The following KCNN3 variants were observed in gnomAD, a reference collection of about 807,000 sequenced individuals.
KCNN3 encodes small conductance calcium-activated potassium channel protein 3.
Under a neutral mutation model 62.9 loss-of-function variants are expected in KCNN3, and 16 were observed. The observed-to-expected ratio is 0.25, with a 90% CI of 0.17 to 0.39. The LOEUF is 0.39. KCNN3 is among the 10% of genes least tolerant of loss of function. The pLI, the probability that KCNN3 is intolerant of heterozygous loss-of-function variation, is 1.00. For synonymous variants in KCNN3, 370 were observed against 389.2 expected, an observed-to-expected ratio of 0.95 and a Z score of 0.58; for missense variants, 599 against 949.4, an observed-to-expected ratio of 0.63 and a Z score of 4.85.
At chr1:154,740,108 A>G (rs1700797770) in intron 3 of KCNN3, among the ~76,000 whole-genome samples, 1 of 152,234 alleles carries the variant, frequency 6.6e-6, no homozygotes, top group African/African-American at 2.4e-5. Flanking sequence ...TCTGTTCAAC[A>G]TATATATTAT....
At chr1:154,836,880 G>A (rs1651612643) in intron 1 of KCNN3, among the ~76,000 whole-genome samples, 1 of 152,136 alleles carries the variant, frequency 6.6e-6, no homozygotes, top group African/African-American at 2.4e-5. Flanking sequence ...CAGAGGACTT[G>A]GCACACAGTA....
chr1:154,803,544 A>C (rs528789927), intron 2 of KCNN3, among the ~76,000 whole-genome samples: 55 of 152,228 alleles, frequency 3.6e-4, no homozygotes, highest in African/African-American at 1.1e-3. Context: ...CCCATCAAAC[A>C]TTTGCCTGCC....
At chr1:154,850,066 C>T (rs1460642648) in intron 1 of KCNN3, among the ~76,000 whole-genome samples, 1 of 152,198 alleles carries the variant, frequency 6.6e-6, no homozygotes, top group African/African-American at 2.4e-5. Flanking sequence ...TTCTCCCCTA[C>T]TCATGCCACT....
intron 4 of KCNN3, among the ~76,000 whole-genome samples, chr1:154,726,621 C>A (rs1391850864): frequency 6.6e-6 from 1 of 152,226 alleles, no homozygotes; most frequent in Admixed American, 6.5e-5. Flanking sequence ...AGTGACTGTG[C>A]CTGCTCTACA....
rs189330101 is a variant in KCNN3 at position 154,730,560 on chromosome 1, T to G, written c.1590+2443A>C. ...GCTAGGAGTGACTCAGCTAGAAAAATCACATTTGTTAGAAAAATGCCACCA... is the reference window on the plus strand; with the variant it reads ...GCTAGGAGTGACTCAGCTAGAAAAAGCACATTTGTTAGAAAAATGCCACCA... On this transcript the variant is annotated intron_variant, in intron 4 of 7. Coordinates refer to ENST00000271915, the MANE Select transcript of KCNN3 (RefSeq NM_002249.6). 5.6e-4 allele frequency among the ~76,000 whole-genome samples: 85 copies of G among 152,114 alleles called. 1 individual carries two copies. Among genetic ancestry groups the G allele is most frequent in the African/African-American group, 2.0e-3 (85 of 41,498 alleles).
intron 6 of KCNN3, among the ~76,000 whole-genome samples, chr1:154,713,963 G>T: frequency 2.4e-5 from 1 of 41,770 alleles, no homozygotes; most frequent in Non-Finnish European, 5.3e-5. Flanking sequence ...AATGCATGGT[G>T]TGTGTGATGT....
rs1421110330 is a variant in KCNN3, at chr1:154,705,176, TCTGA to T, written c.*2796_*2799del. 1 of 152,182 alleles carries T rather than the reference TCTGA, an allele frequency of 6.6e-6. No homozygotes were observed. Among genetic ancestry groups the T allele is most frequent in the Non-Finnish European group, 1.5e-5 (1 of 68,038 alleles). 9.4% of individuals were successfully genotyped at this position (152,182 alleles called of 1,614,324 possible). On this transcript the variant is annotated 3_prime_UTR_variant, in exon 8 of 8. Coordinates refer to ENST00000271915, the MANE Select transcript of KCNN3 (RefSeq NM_002249.6). ...GAGAATCCACCTGCCCCTTTTCCCA[TCTGA>T]CTGTGATGCTGAGGTGTGGTGGAAT...
chr1:154,804,547 C>A (rs1288108179), intron 2 of KCNN3, among the ~76,000 whole-genome samples: 5 of 152,172 alleles, frequency 3.3e-5, no homozygotes, highest in African/African-American at 1.2e-4. Context: ...CTCTCCCTCC[C>A]AAGACCATGA....
intron 3 of KCNN3, among the ~76,000 whole-genome samples, chr1:154,733,979 G>A (rs1177752543): frequency 1.3e-5 from 2 of 152,220 alleles, no homozygotes; most frequent in Non-Finnish European, 2.9e-5. Flanking sequence ...GTGCAATCAG[G>A]GGGTGGACAA....
intron 2 of KCNN3, among the ~76,000 whole-genome samples, chr1:154,821,856 A>T (rs1650912840): frequency 6.6e-6 from 1 of 152,342 alleles, no homozygotes; most frequent in South Asian, 2.1e-4. Flanking sequence ...TGCCTCTGGG[A>T]TCCCCACTTT....
chr1:154,726,373 C>T (rs7528614), intron 4 of KCNN3, among the ~76,000 whole-genome samples: 9 of 152,280 alleles, frequency 5.9e-5, no homozygotes, highest in East Asian at 1.9e-4. Flanking sequence ...AGCTGTGCAG[C>T]GGAAGACAGA....
intron 4 of KCNN3, among the ~76,000 whole-genome samples, chr1:154,726,741 G>A (rs1489495461): frequency 6.6e-6 from 1 of 152,168 alleles, no homozygotes; most frequent in Non-Finnish European, 1.5e-5. Flanking sequence ...AGATTTTAAA[G>A]ACAACACCAC....
rs982429247 is a variant in KCNN3 at position 154,862,704 on chromosome 1, C to A, written c.933+6328G>T. On this transcript the variant is annotated intron_variant, in intron 1 of 7. Coordinates refer to ENST00000271915, the MANE Select transcript of KCNN3 (RefSeq NM_002249.6). This position sits in a 1 kb window ranked among gnomAD's most constrained non-coding sequence, Gnocchi z 4.1. Reference sequence around the variant, plus strand: ...CAATCTCACCCTGATCCCAGGCCAACCTGGGGTGCCCACACTTGCCCTGGC... The same window carrying A: ...CAATCTCACCCTGATCCCAGGCCAAACTGGGGTGCCCACACTTGCCCTGGC... Among the ~76,000 whole-genome samples the A allele has an allele frequency of 3.3e-5, 5 of 152,124 alleles. No homozygotes were observed. The highest frequency in any genetic ancestry group is 6.5e-5 in the Admixed American group (1 of 15,282).
At chr1:154,751,850 T>C (rs531498426) in intron 3 of KCNN3, among the ~76,000 whole-genome samples, 4 of 152,212 alleles carry the variant, frequency 2.6e-5, no homozygotes, top group South Asian at 2.1e-4. Context: ...TGACTCTTCA[T>C]AGGACTGGAA....
intron 1 of KCNN3, among the ~76,000 whole-genome samples, chr1:154,833,424 C>T (rs1651453086): frequency 6.6e-6 from 1 of 152,188 alleles, no homozygotes; most frequent in South Asian, 2.1e-4. Context: ...TTCCAGGCTT[C>T]CCGGAGTTGC....
rs539628566 is a variant in KCNN3, at chr1:154,859,481, A to G, written c.933+9551T>C. ...CCCCACATCCATTACAAACGGGGAC[A>G]CTGAGGCTCGGAGAGTTTGAGGCAC... On this transcript the variant is annotated intron_variant, in intron 1 of 7. Transcript: ENST00000271915. Among the ~76,000 whole-genome samples the G allele has an allele frequency of 2.9e-4, 44 of 152,320 alleles. No individual in the cohort carries two copies. The Middle Eastern group carries it at 0.02, about 71-fold the overall frequency.
At chr1:154,739,436 C>T (rs1700782129) in intron 3 of KCNN3, among the ~76,000 whole-genome samples, 1 of 152,084 alleles carries the variant, frequency 6.6e-6, no homozygotes, top group Non-Finnish European at 1.5e-5. Context: ...TTATCATTTC[C>T]TCGTTTTTCT....
chr1:154,862,486 G>A lies in KCNN3; in HGVS notation c.933+6546C>T, dbSNP rs934945054. Among the ~76,000 whole-genome samples, 2 of 152,124 alleles carry A rather than the reference G, an allele frequency of 1.3e-5. No homozygotes were observed. The highest frequency in any genetic ancestry group is 2.4e-5 in the African/African-American group (1 of 41,408). On this transcript the variant is annotated intron_variant, in intron 1 of 7. Coordinates refer to ENST00000271915, the MANE Select transcript of KCNN3 (RefSeq NM_002249.6). The surrounding 1 kb of genome is among the most constrained non-coding windows in gnomAD (Gnocchi z 4.1). ...GTATGGACATGTCCAGTCAGGTCTAGGGGTCCTGCTGGCCCTCCAGGGGTG... is the reference window on the plus strand; with the variant it reads ...GTATGGACATGTCCAGTCAGGTCTAAGGGTCCTGCTGGCCCTCCAGGGGTG...
chr1:154,733,384 G>A (rs573590410), intron 3 of KCNN3, among the ~76,000 whole-genome samples: 1 of 152,172 alleles, frequency 6.6e-6, no homozygotes, highest in Non-Finnish European at 1.5e-5. Context: ...GAGATAAAAT[G>A]TTTTGTCATG....
Sources: allele counts gnomAD v4.1 joint callset (sites outside exome capture counted in the v4.1 genomes callset), GRCh38; gene constraint gnomAD v4.1.1; non-coding constraint Gnocchi (gnomAD v3.1); transcripts MANE v1.5; gene names NCBI Gene and HGNC (gene_info 2026-07-23, HGNC 2026-07-21).